SEMA5B: variants seen among roughly 807,000 people sequenced by gnomAD.
SEMA5B encodes semaphorin 5B.
Under a neutral mutation model 135.0 loss-of-function variants are expected in SEMA5B, and 66 were observed. The ratio of observed to expected loss-of-function variants is 0.49; its 90% confidence interval spans 0.40 to 0.60. The LOEUF is 0.60. Ranked by LOEUF, SEMA5B falls within the 20% of genes least tolerant of loss-of-function variation. The probability of loss-of-function intolerance (pLI) is 0.00; values close to 1 mark genes in which losing one functional copy is unlikely to be tolerated. For missense variants in SEMA5B, 1,501 were observed against 1,566.3 expected (o/e 0.96, Z 0.70); for synonymous variants, 690 against 639.5 (o/e 1.08, Z -1.19).
At chr3:122,997,492 C>T (rs61301404) in intron 1 of SEMA5B, among the ~76,000 whole-genome samples, 1,832 of 151,624 alleles carry the variant, frequency 0.012, 41 homozygotes, top group African/African-American at 0.041. Flanking sequence ...ACTGAGGCCA[C>T]GCTACCTGGC....
rs1560269442 is a variant in SEMA5B at position 122,909,265 on chromosome 3, TTG to T, written c.*876_*877del. On this transcript the variant is annotated 3_prime_UTR_variant, in exon 23 of 23. Coordinates refer to ENST00000357599, the MANE Select transcript of SEMA5B (RefSeq NM_001031702.4). ...TTTTTGTTGCTGTAGCAAATTGTGA[TTG>T]TGTGTGCGTGTGTGAGTGTGTGTGT... The T allele has an allele frequency of 9.8e-4, 149 of 151,862 alleles. No homozygotes were observed. The highest frequency in any genetic ancestry group is 3.4e-3 in the African/African-American group (141 of 41,100). 9.4% of individuals were successfully genotyped at this position (151,862 alleles called of 1,614,324 possible).
chr3:122,995,206 G>C (rs952514677), intron 1 of SEMA5B, among the ~76,000 whole-genome samples: 2 of 152,154 alleles, frequency 1.3e-5, no homozygotes, highest in Non-Finnish European at 2.9e-5. Flanking sequence ...AGAGCTGCTT[G>C]CCTGGGAAAA....
At chr3:122,963,680 G>T (rs1940691166) in intron 1 of SEMA5B, among the ~76,000 whole-genome samples, 1 of 152,144 alleles carries the variant, frequency 6.6e-6, no homozygotes, top group South Asian at 2.1e-4. Flanking sequence ...GGGAGACAGA[G>T]AACACGGGGC....
chr3:122,934,202 C>T (rs7625090), intron 5 of SEMA5B, among the ~76,000 whole-genome samples: 4 of 151,198 alleles, frequency 2.6e-5, no homozygotes, highest in Non-Finnish European at 1.5e-5. Context: ...CCACCGTGCC[C>T]GGCCCAAAAA....
intron 1 of SEMA5B, among the ~76,000 whole-genome samples, chr3:122,988,002 G>A (rs771008763): frequency 1.3e-5 from 2 of 152,048 alleles, no homozygotes; most frequent in African/African-American, 4.8e-5. Flanking sequence ...TTGGAAGGGG[G>A]GCCTCAGAGA....
chr3:122,926,317 T>C (rs1037904930), intron 9 of SEMA5B, 75 bp downstream of exon 9: 3 of 1,424,166 alleles, frequency 2.1e-6, no homozygotes, highest in Non-Finnish European at 2.9e-6. Context: ...ATTTTATAGA[T>C]GAAGCCCACC....
intron 1 of SEMA5B, among the ~76,000 whole-genome samples, chr3:123,017,633 C>A (rs182898118): frequency 7.9e-5 from 12 of 152,336 alleles, no homozygotes; most frequent in African/African-American, 2.6e-4. Flanking sequence ...GTTGGCCAGG[C>A]GCAGTGGCTC....
chr3:122,985,744 C>G (rs1332379388), intron 1 of SEMA5B, among the ~76,000 whole-genome samples: 1 of 152,152 alleles, frequency 6.6e-6, no homozygotes, highest in Admixed American at 6.5e-5. Context: ...GGGGATCTCC[C>G]AAGCAAATCC....
chr3:122,985,837 C>G (rs1447569655), intron 1 of SEMA5B, among the ~76,000 whole-genome samples: 1 of 152,054 alleles, frequency 6.6e-6, no homozygotes, highest in Non-Finnish European at 1.5e-5. Flanking sequence ...AGAAATGGAG[C>G]CATATTTGGA....
chr3:123,024,475 G>A (rs1942755789), intron 1 of SEMA5B, among the ~76,000 whole-genome samples: 1 of 152,296 alleles, frequency 6.6e-6, no homozygotes, highest in East Asian at 1.9e-4. Context: ...AAATAAAATT[G>A]GTTTACACCC....
At chr3:122,986,072 T>C (rs756871900) in intron 1 of SEMA5B, among the ~76,000 whole-genome samples, 23 of 152,258 alleles carry the variant, frequency 1.5e-4, no homozygotes, top group Non-Finnish European at 3.4e-4. Flanking sequence ...CCCTCTCCTT[T>C]CTTTTCACAA....
Position 122,926,474 on chromosome 3 carries a change from C to A in SEMA5B, c.1054G>T (p.Val352Phe). Residue 352 changes from valine (V) to phenylalanine (F), a missense_variant, in exon 9 of 23, where the codon GTC becomes TTC. By Grantham distance (50) the Val-to-Phe change is conservative (BLOSUM62 -1). Around this residue, in one of 2 missense-constraint regions of SEMA5B, gnomAD observed 574 missense variants for 684.7 expected, o/e 0.84. Transcript: ENST00000357599. The stretch of plus-strand genomic sequence containing the variant: ...TGCAGCTCGTTATAGTAGAAGGGGA[C>A]CTCGCCCGGGCGGGAGCAGTTGAGC... ...ARLNCSRPGE[V>F]PFYYNELQSA... 6.2e-6 allele frequency: 10 copies of A among 1,614,206 alleles called. No homozygotes were observed. Among genetic ancestry groups the A allele is most frequent in the Non-Finnish European group, 8.5e-6 (10 of 1,180,040 alleles).
At chr3:122,996,570 A>C (rs147744068) in intron 1 of SEMA5B, among the ~76,000 whole-genome samples, 1 of 152,334 alleles carries the variant, frequency 6.6e-6, no homozygotes, top group South Asian at 2.1e-4. Context: ...GACTGAGAGC[A>C]CTGTCTTGGT....
At chr3:122,931,076 T>G (rs1268978051) in intron 5 of SEMA5B, among the ~76,000 whole-genome samples, 1 of 152,206 alleles carries the variant, frequency 6.6e-6, no homozygotes, top group Non-Finnish European at 1.5e-5. Context: ...TTTTATCAAA[T>G]TAGTGATGCA....
Position 122,912,912 on chromosome 3 carries a change from G to T in SEMA5B, c.2656C>A (p.Arg886Ser). 5 of 1,611,884 alleles carry T rather than the reference G, an allele frequency of 3.1e-6. No individual in the cohort carries two copies. The highest frequency in any genetic ancestry group is 4.2e-6 in the Non-Finnish European group (5 of 1,179,062). Residue 886 changes from arginine to serine, a missense_variant, in exon 18 of 23, where the codon CGC (arginine) becomes AGC (serine). This residue lies in a region of SEMA5B where 927 missense variants were observed against 881.6 expected (regional missense o/e 1.05). Transcript: ENST00000357599. ...RKRTCTNPEP[R>S]NGGLPCVGDA... ...CCCACGCAGGGCAGGCCCCCGTTGC[G>T]GGGCTCCGGGTTAGTGCACGTTCTC...
At chr3:122,952,744 G>A (rs534410772) in intron 2 of SEMA5B, among the ~76,000 whole-genome samples, 11 of 152,292 alleles carry the variant, frequency 7.2e-5, no homozygotes, top group Admixed American at 1.3e-4. Context: ...GCGCCAGCAG[G>A]GAGGTGGATG....
rs1285500943 is a variant in SEMA5B at position 122,912,188 on chromosome 3, G to A, written c.2880C>T (p.Ala960=). The A allele has an allele frequency of 1.3e-6, 2 of 1,594,552 alleles. No homozygotes were observed. Among genetic ancestry groups the A allele is most frequent in the East Asian group, 4.5e-5 (2 of 44,532 alleles). ...GCCTCATACCTGGGCAGGCCTGTGT[G>A]GCACATAGTGCCTCCTCCGTGTGCA... is the stretch of plus-strand genomic sequence containing the variant. ...LGLHTEEALC[A]TQACPEGWSP... The change falls in exon 19 of 23, where the codon GCC becomes GCT. Residue 960 remains alanine, a synonymous_variant. Transcript: ENST00000357599.
intron 1 of SEMA5B, among the ~76,000 whole-genome samples, chr3:122,983,370 CT>C (rs1186984662): frequency 1.3e-5 from 2 of 151,836 alleles, no homozygotes; most frequent in East Asian, 3.9e-4. Context: ...TTTTTTTCTC[CT>C]GCAGGTTCAA....
chr3:122,910,679 G>A (rs1050991407), intron 22 of SEMA5B, among the ~76,000 whole-genome samples, 161 bp downstream of exon 22: 2 of 151,198 alleles, frequency 1.3e-5, no homozygotes, highest in Non-Finnish European at 3.0e-5. Flanking sequence ...GCGTAGTGGC[G>A]GGCGCCTGTA....
Sources: allele counts gnomAD v4.1 joint callset (sites outside exome capture counted in the v4.1 genomes callset), GRCh38; gene constraint gnomAD v4.1.1; regional missense constraint gnomAD v4.1.1; transcripts MANE v1.5; gene names NCBI Gene and HGNC (gene_info 2026-07-23, HGNC 2026-07-21).